Variants in OPCML observed in about 807,000 individuals in gnomAD.
OPCML encodes the protein opioid-binding protein/cell adhesion molecule.
A neutral mutation model predicts 37.8 loss-of-function variants in OPCML; 13 were observed. The observed-to-expected ratio is 0.34, with a 90% CI of 0.22 to 0.55. The LOEUF is 0.55. Ranked by LOEUF, OPCML falls within the 20% of genes least tolerant of loss-of-function variation. The pLI is 0.91. For missense variants in OPCML, 341 were observed against 435.6 expected, an observed-to-expected ratio of 0.78 and a Z score of 1.93; for synonymous variants, 176 against 168.8, an observed-to-expected ratio of 1.04 and a Z score of -0.33.
At chr11:132,656,463 C>T (rs1018628290) in intron 3 of OPCML, among the ~76,000 whole-genome samples, 1 of 152,172 alleles carries the variant, frequency 6.6e-6, no homozygotes, top group African/African-American at 2.4e-5. Context: ...GATGCTAAGT[C>T]TTCCTTCCTC....
intron 2 of OPCML, among the ~76,000 whole-genome samples, chr11:132,669,243 G>A (rs1942353999): frequency 6.6e-6 from 1 of 151,836 alleles, no homozygotes; most frequent in African/African-American, 2.4e-5. Flanking sequence ...GCAGATTGAG[G>A]CATTCCTGAA....
At chr11:133,001,330 C>T (rs907585341) in intron 1 of OPCML, among the ~76,000 whole-genome samples, 3 of 152,160 alleles carry the variant, frequency 2.0e-5, no homozygotes, top group African/African-American at 7.2e-5. Flanking sequence ...ATGCATGGCC[C>T]CTTCCTTCCT....
intron 1 of OPCML, among the ~76,000 whole-genome samples, chr11:133,512,952 A>C (rs1948191305): frequency 6.6e-6 from 1 of 152,212 alleles, no homozygotes; most frequent in African/African-American, 2.4e-5. Flanking sequence ...CATTTTCAAG[A>C]AGTCAATGAG....
At chr11:133,210,671 C>A (rs1450320052) in intron 1 of OPCML, among the ~76,000 whole-genome samples, 1 of 152,104 alleles carries the variant, frequency 6.6e-6, no homozygotes, top group Non-Finnish European at 1.5e-5. Flanking sequence ...AAGGTTCCAA[C>A]ATACATGGCT....
At chr11:133,002,779 G>C (rs1591899960) in intron 1 of OPCML, among the ~76,000 whole-genome samples, 1 of 5,046 alleles carries the variant, frequency 2.0e-4, no homozygotes, top group Non-Finnish European at 2.7e-4. Flanking sequence ...AGGAAAGAGA[G>C]GGGGGGGTGG....
rs116978683 is a variant in OPCML, at chr11:132,744,974, C to T, written c.147-87655G>A. 9.2e-3 allele frequency among the ~76,000 whole-genome samples: 1,401 copies of T among 152,080 alleles called. 11 individuals are homozygous for T. Among genetic ancestry groups the T allele is most frequent in the South Asian group, 0.017 (83 of 4,812 alleles). ...GGAAGTGAACGAGCTCCTAAATATT[C>T]GGGATATAGCAGAGCAGGCAGCTCA... On this transcript the variant is annotated intron_variant, in intron 2 of 7. Transcript: ENST00000524381.
At chr11:133,156,065 C>T (rs188749092) in intron 1 of OPCML, among the ~76,000 whole-genome samples, 24 of 152,294 alleles carry the variant, frequency 1.6e-4, no homozygotes, top group African/African-American at 5.1e-4. Context: ...TTGCCGTTAA[C>T]GAATCTTTAT....
intron 2 of OPCML, among the ~76,000 whole-genome samples, chr11:132,871,017 C>G (rs12805817): frequency 0.22 from 33,880 of 151,952 alleles, 4,109 homozygotes; most frequent in African/African-American, 0.29. Context: ...ACAATGTTTC[C>G]TGTTCCTGAA....
At chr11:133,397,719 G>A (rs1007985089) in intron 1 of OPCML, among the ~76,000 whole-genome samples, 2 of 152,200 alleles carry the variant, frequency 1.3e-5, no homozygotes, top group Admixed American at 1.3e-4. Context: ...CCAAACTTAA[G>A]CAGAAACTTA....
At chr11:132,479,991 C>A (rs1192147443) in intron 4 of OPCML, among the ~76,000 whole-genome samples, 2 of 152,204 alleles carry the variant, frequency 1.3e-5, no homozygotes, top group African/African-American at 4.8e-5. Flanking sequence ...CGCAGTCCCT[C>A]ACCAGCAATG....
At chr11:132,570,717 T>C (rs1430254395) in intron 3 of OPCML, among the ~76,000 whole-genome samples, 1 of 134,916 alleles carries the variant, frequency 7.4e-6, no homozygotes, top group Non-Finnish European at 1.6e-5. Context: ...ATTATTTAAA[T>C]ATACTGAAAG....
At chr11:133,085,404 C>T (rs1402099215) in intron 1 of OPCML, among the ~76,000 whole-genome samples, 1 of 152,180 alleles carries the variant, frequency 6.6e-6, no homozygotes, top group Non-Finnish European at 1.5e-5. Flanking sequence ...CATGCCATTC[C>T]CCACACCAGA....
At chr11:133,281,265 G>A (rs1942147535) in intron 1 of OPCML, among the ~76,000 whole-genome samples, 1 of 152,124 alleles carries the variant, frequency 6.6e-6, no homozygotes, top group Non-Finnish European at 1.5e-5. Context: ...CCTGGTGGGA[G>A]GGGTTTTGAT....
chr11:132,553,206 C>T (rs1057315630), intron 3 of OPCML, among the ~76,000 whole-genome samples: 5 of 152,168 alleles, frequency 3.3e-5, no homozygotes, highest in Non-Finnish European at 5.9e-5. Flanking sequence ...GGGGGATAAC[C>T]ACTCAAGGGC....
intron 4 of OPCML, among the ~76,000 whole-genome samples, chr11:132,476,425 G>C (rs1333144578): frequency 6.6e-6 from 1 of 152,012 alleles, no homozygotes; most frequent in Non-Finnish European, 1.5e-5. Flanking sequence ...CAATAGCAAA[G>C]ACTTGGAACC....
chr11:133,391,729 A>G (rs1945178367), intron 1 of OPCML, among the ~76,000 whole-genome samples: 1 of 152,242 alleles, frequency 6.6e-6, no homozygotes, highest in Non-Finnish European at 1.5e-5. Flanking sequence ...AATATTAAAA[A>G]TTACAATAAC....
chr11:133,362,624 C>A (rs1392318844), intron 1 of OPCML, among the ~76,000 whole-genome samples: 1 of 152,102 alleles, frequency 6.6e-6, no homozygotes. Context: ...GGCTGAAGAG[C>A]GGGGGCTGGC....
intron 3 of OPCML, among the ~76,000 whole-genome samples, chr11:132,627,161 G>T (rs1939799325): frequency 6.6e-6 from 1 of 151,888 alleles, no homozygotes; most frequent in Non-Finnish European, 1.5e-5. Context: ...ATATATAATG[G>T]CCAGAAAAAC....
At chr11:133,048,774 ACT>A (rs767737793) in intron 1 of OPCML, among the ~76,000 whole-genome samples, 1 of 152,148 alleles carries the variant, frequency 6.6e-6, no homozygotes, top group Non-Finnish European at 1.5e-5. Context: ...GAGGTCTGGA[ACT>A]CTGTCTTCTC....
Sources: allele counts gnomAD v4.1 joint callset (sites outside exome capture counted in the v4.1 genomes callset), GRCh38; gene constraint gnomAD v4.1.1; transcripts MANE v1.5; gene names NCBI Gene and HGNC (gene_info 2026-07-23, HGNC 2026-07-21).